The following ANKS1B variants were observed in gnomAD, a reference collection of about 807,000 sequenced individuals.
The protein encoded by ANKS1B is ankyrin repeat and sterile alpha motif domain-containing protein 1B.
ANKS1B carries 36 observed loss-of-function variants against 148.3 expected under a neutral mutation model. The observed-to-expected ratio is 0.24, with a 90% CI of 0.19 to 0.32. ANKS1B has a LOEUF of 0.32. Among genes scored for constraint, ANKS1B ranks in the 10% least tolerant of loss-of-function variants. The pLI is 1.00. For missense variants in ANKS1B, 1,157 were observed against 1,542.6 expected (o/e 0.75, Z 4.19); for synonymous variants, 542 against 560.8 (o/e 0.97, Z 0.47).
At chr12:98,921,364 C>A (rs1000154342) in intron 17 of ANKS1B, among the ~76,000 whole-genome samples, 2 of 152,162 alleles carry the variant, frequency 1.3e-5, no homozygotes, top group African/African-American at 2.4e-5. Flanking sequence ...ACAGTACATT[C>A]TCTATAATAT....
rs534650279 is a variant in ANKS1B at position 99,730,546 on chromosome 12, A to G, written c.1128+42376T>C. ...ATCTCAGCAGTGCCAAACCCAAGGT[A>G]AAGACTGCATCTCATGAGTGGGGAG... On this transcript the variant is annotated intron_variant, in intron 8 of 26. Transcript: ENST00000683438. Among the ~76,000 whole-genome samples, 9 of 152,326 alleles carry G rather than the reference A, an allele frequency of 5.9e-5. 2 individuals carry two copies. The highest frequency in any genetic ancestry group is 2.1e-4 in the South Asian group (1 of 4,826).
intron 2 of ANKS1B, among the ~76,000 whole-genome samples, chr12:99,819,181 G>C (rs2082214241): frequency 6.6e-6 from 1 of 151,886 alleles, no homozygotes; most frequent in South Asian, 2.1e-4. Flanking sequence ...TAAAGTTGCA[G>C]ATGTGTTCAA....
At chr12:98,763,798 G>T (rs1488295946) in intron 25 of ANKS1B, among the ~76,000 whole-genome samples, 2 of 152,138 alleles carry the variant, frequency 1.3e-5, no homozygotes, top group Admixed American at 1.3e-4. Context: ...CTCATAGTTG[G>T]TCTTCGCATG....
chr12:98,947,996 A>G (rs990850366), intron 17 of ANKS1B, among the ~76,000 whole-genome samples: 2 of 152,178 alleles, frequency 1.3e-5, no homozygotes, highest in African/African-American at 4.8e-5. Context: ...CTCTATCTTT[A>G]GAAATGATAT....
intron 9 of ANKS1B, among the ~76,000 whole-genome samples, chr12:99,532,698 A>G (rs1030398262): frequency 1.8e-4 from 28 of 152,164 alleles, no homozygotes. Context: ...TAATTTTTAT[A>G]CATGGTGAGA....
rs567864336 is a variant in ANKS1B at position 99,651,829 on chromosome 12, T to C, written c.1272+3238A>G. Among the ~76,000 whole-genome samples, 94 of 152,068 alleles carry C rather than the reference T, an allele frequency of 6.2e-4. 2 individuals are homozygous for C. Among genetic ancestry groups the C allele is most frequent in the Middle Eastern group, 3.4e-3 (1 of 294 alleles). On this transcript the variant is annotated intron_variant, in intron 9 of 26. Coordinates refer to ENST00000683438, the MANE Select transcript of ANKS1B (RefSeq NM_001352186.2). The stretch of plus-strand genomic sequence containing the variant: ...AGATTTAAAAATTACCATTTGTGAA[T>C]GGTTGAGAATGGTTGAATCCTAGGT...
chr12:99,698,629 A>G (rs940617924), intron 8 of ANKS1B, among the ~76,000 whole-genome samples: 5 of 152,218 alleles, frequency 3.3e-5, no homozygotes, highest in Non-Finnish European at 7.3e-5. Flanking sequence ...AACACTCTAC[A>G]GCAAACAATA....
At chr12:99,041,139 C>T (rs1289322627) in intron 17 of ANKS1B, among the ~76,000 whole-genome samples, 1 of 152,084 alleles carries the variant, frequency 6.6e-6, no homozygotes, top group Non-Finnish European at 1.5e-5. Flanking sequence ...AATTCTTGAG[C>T]AAGATTGACA....
At chr12:98,862,967 G>A (rs1280614043) in intron 17 of ANKS1B, among the ~76,000 whole-genome samples, 5 of 152,138 alleles carry the variant, frequency 3.3e-5, no homozygotes, top group Non-Finnish European at 7.4e-5. Flanking sequence ...TATAGTCTCT[G>A]CATGAAAACC....
intron 8 of ANKS1B, among the ~76,000 whole-genome samples, chr12:99,766,930 T>C (rs1224702336): frequency 6.9e-6 from 1 of 144,144 alleles, no homozygotes; most frequent in Non-Finnish European, 1.5e-5. Context: ...TGGGTTAGAA[T>C]GTGTTTGAAG....
intron 8 of ANKS1B, among the ~76,000 whole-genome samples, chr12:99,690,954 G>A (rs2098676040): frequency 6.6e-6 from 1 of 151,636 alleles, no homozygotes; most frequent in African/African-American, 2.4e-5. Context: ...ACTTCTGCAT[G>A]GACATCCAGG....
In ANKS1B at chr12:98,744,787, A is replaced by C. The variant is rs1182081142; in HGVS notation, c.*952T>G. ...CCATGACAGAAATCTTGACAGCAGG[A>C]GCACTAGATTTTTTTTTTTTTAACA... On this transcript the variant is annotated 3_prime_UTR_variant, in exon 27 of 27. Transcript: ENST00000683438. 1 of 977,740 alleles carries C rather than the reference A, an allele frequency of 1.0e-6. No homozygotes were observed. Among genetic ancestry groups the C allele is most frequent in the Non-Finnish European group, 1.2e-6 (1 of 825,054 alleles). The allele number at this position is 977,740 out of a possible 1,614,324, so 60.6% of individuals were successfully genotyped here. A position where few individuals can be genotyped will look rare whatever the true frequency, so the allele number is the denominator to read the frequency against.
intron 9 of ANKS1B, among the ~76,000 whole-genome samples, chr12:99,607,382 T>G (rs1233355209): frequency 6.6e-6 from 1 of 152,092 alleles, no homozygotes; most frequent in Non-Finnish European, 1.5e-5. Flanking sequence ...TTTCCTTTTT[T>G]TTTTTCCCCC....
chr12:98,899,704 A>G (rs1596524477), intron 17 of ANKS1B, among the ~76,000 whole-genome samples: 1 of 152,148 alleles, frequency 6.6e-6, no homozygotes, highest in Non-Finnish European at 1.5e-5. Context: ...ATCTTTTTGT[A>G]TATGTCTCCT....
At chr12:99,162,056 A>G (rs919019009) in intron 14 of ANKS1B, among the ~76,000 whole-genome samples, 1 of 149,394 alleles carries the variant, frequency 6.7e-6, no homozygotes, top group Non-Finnish European at 1.5e-5. Flanking sequence ...ATGCCAAGTG[A>G]AAAAAAAAAG....
Position 98,765,618 on chromosome 12 carries a change from G to A in ANKS1B, c.3579+7424C>T, listed in dbSNP as rs183767781. Among the ~76,000 whole-genome samples the A allele has an allele frequency of 7.2e-4, 109 of 152,156 alleles. 1 individual carries two copies. In the South Asian group the frequency reaches 0.02, roughly 28 times the overall value. On this transcript the variant is annotated intron_variant, in intron 25 of 26. Transcript: ENST00000683438. Reference sequence around the variant, plus strand: ...GTCACCCAGGCTAGAGTGCAGTGGTGCGATCTCTGCTCACTGTACTCACTG... The same window carrying A: ...GTCACCCAGGCTAGAGTGCAGTGGTACGATCTCTGCTCACTGTACTCACTG...
intron 12 of ANKS1B, among the ~76,000 whole-genome samples, chr12:99,274,330 C>T (rs774906613): frequency 7.2e-5 from 11 of 152,048 alleles, no homozygotes; most frequent in Non-Finnish European, 1.2e-4. Flanking sequence ...TGTTCTTTTA[C>T]TTATCTCTGT....
chr12:98,928,857 C>A lies in ANKS1B; in HGVS notation c.2779-96721G>T, dbSNP rs181913049. Among the ~76,000 whole-genome samples, 308 of 152,000 alleles carry A rather than the reference C, an allele frequency of 2.0e-3. 3 individuals carry two copies. Among genetic ancestry groups the A allele is most frequent in the African/African-American group, 7.1e-3 (294 of 41,502 alleles). ...TAAAATAATACTTAATGGCGAAAGA[C>A]CAGATGTTTTTCCCTTTCCCAAGAC... is the stretch of plus-strand genomic sequence containing the variant. On this transcript the variant is annotated intron_variant, in intron 17 of 26. Coordinates refer to ENST00000683438, the MANE Select transcript of ANKS1B (RefSeq NM_001352186.2).
chr12:99,441,973 G>A (rs2095557128), intron 11 of ANKS1B, among the ~76,000 whole-genome samples: 1 of 151,782 alleles, frequency 6.6e-6, no homozygotes, highest in Admixed American at 6.6e-5. Flanking sequence ...ATCTACATTG[G>A]TATAAAAACA....
Sources: allele counts gnomAD v4.1 joint callset (sites outside exome capture counted in the v4.1 genomes callset), GRCh38; gene constraint gnomAD v4.1.1; transcripts MANE v1.5; gene names NCBI Gene and HGNC (gene_info 2026-07-23, HGNC 2026-07-21).